RBFOX1: variants seen among roughly 807,000 people sequenced by gnomAD.
The protein encoded by RBFOX1 is RNA binding fox-1 homolog 1.
In RBFOX1, 8 loss-of-function variants were observed where a neutral mutation model predicts 57.7. That is an observed-to-expected ratio of 0.14 (90% CI 0.08 to 0.25). The LOEUF is 0.25. RBFOX1 is among the 10% of genes least tolerant of loss of function. RBFOX1 has a pLI of 1.00. For missense variants in RBFOX1, 611 were observed against 548.5 expected (o/e 1.11, Z -1.14); for synonymous variants, 326 against 222.4 (o/e 1.47, Z -4.15).
intron 3 of RBFOX1, among the ~76,000 whole-genome samples, chr16:6,707,732 T>A (rs771239771): frequency 2.0e-5 from 3 of 152,178 alleles, no homozygotes; most frequent in African/African-American, 7.2e-5. Context: ...AGCACATTTT[T>A]AATTCCAGAT....
intron 4 of RBFOX1, among the ~76,000 whole-genome samples, chr16:5,991,763 C>G (rs922220033): frequency 1.3e-5 from 2 of 151,480 alleles, no homozygotes; most frequent in Admixed American, 1.3e-4. Flanking sequence ...CCCAGCCCTG[C>G]CAATAATCAA....
intron 4 of RBFOX1, among the ~76,000 whole-genome samples, chr16:7,258,373 T>G (rs1475178937): frequency 6.6e-6 from 1 of 152,202 alleles, no homozygotes; most frequent in African/African-American, 2.4e-5. Context: ...ATATTTGAGA[T>G]TCATGTCTAA....
intron 3 of RBFOX1, among the ~76,000 whole-genome samples, chr16:6,838,839 C>A (rs1160961265): frequency 6.6e-6 from 1 of 152,080 alleles, no homozygotes; most frequent in African/African-American, 2.4e-5. Flanking sequence ...AGGTGCTTCC[C>A]CGTCATACTC....
At chr16:5,463,406 C>A (rs1029542565) in intron 1 of RBFOX1, among the ~76,000 whole-genome samples, 1 of 151,876 alleles carries the variant, frequency 6.6e-6, no homozygotes, top group Non-Finnish European at 1.5e-5. Context: ...TTGAGCTTAG[C>A]AATACTAGAT....
intron 4 of RBFOX1, among the ~76,000 whole-genome samples, chr16:7,470,045 G>T (rs1359985092): frequency 6.8e-5 from 10 of 147,136 alleles, no homozygotes; most frequent in African/African-American, 2.0e-4. Flanking sequence ...TTTTAACATT[G>T]CATAATATTC....
intron 1 of RBFOX1, among the ~76,000 whole-genome samples, chr16:6,058,857 C>T (rs2095649321): frequency 6.6e-6 from 1 of 152,168 alleles, no homozygotes; most frequent in East Asian, 1.9e-4. Flanking sequence ...TCCATCCATC[C>T]ATCCATCCAT....
At chr16:5,906,809 A>G (rs1392595707) in intron 4 of RBFOX1, among the ~76,000 whole-genome samples, 1 of 128,504 alleles carries the variant, frequency 7.8e-6, no homozygotes, top group Admixed American at 1.0e-4. Context: ...TTCTTGGCTC[A>G]CTGCAACCTC....
intron 4 of RBFOX1, among the ~76,000 whole-genome samples, chr16:7,411,566 G>C (rs1269663119): frequency 3.3e-5 from 5 of 152,158 alleles, no homozygotes; most frequent in African/African-American, 1.2e-4. Context: ...ACTTCCAGTT[G>C]AGGGACATCG....
chr16:6,708,138 TG>T (rs2063093050), intron 3 of RBFOX1, among the ~76,000 whole-genome samples: 1 of 152,114 alleles, frequency 6.6e-6, no homozygotes, highest in Non-Finnish European at 1.5e-5. Flanking sequence ...ACACCTGGCT[TG>T]GGGAGCGGGG....
intron 4 of RBFOX1, among the ~76,000 whole-genome samples, chr16:7,251,923 A>G (rs563114152): frequency 9.8e-4 from 149 of 152,188 alleles, no homozygotes; most frequent in African/African-American, 3.4e-3. Context: ...CATTTTTTTC[A>G]TAATGGCTGT....
intron 3 of RBFOX1, among the ~76,000 whole-genome samples, chr16:5,756,915 G>A (rs1389729933): frequency 6.6e-6 from 1 of 152,170 alleles, no homozygotes; most frequent in African/African-American, 2.4e-5. Context: ...GGTTCTACAA[G>A]ATGATGTAAA....
At chr16:6,088,724 G>T (rs1462233391) in intron 1 of RBFOX1, among the ~76,000 whole-genome samples, 1 of 152,156 alleles carries the variant, frequency 6.6e-6, no homozygotes, top group Non-Finnish European at 1.5e-5. Context: ...GCAATGACTT[G>T]CAGACTGTAG....
Position 5,867,329 on chromosome 16 carries a change from AG to A in RBFOX1, c.346del (p.Ala116LeufsTer35). ...TTTCGGCAAGTCAGGCTACAGGCAAAGCTGAGGTAGGAAACGTGGTTTTTCT... is the reference window on the plus strand; with the variant it reads ...TTTCGGCAAGTCAGGCTACAGGCAAACTGAGGTAGGAAACGTGGTTTTTCT... On this transcript the variant is annotated frameshift_variant, in exon 4 of 20. Coordinates refer to the RBFOX1 transcript ENST00000641259. LOFTEE classifies it high-confidence loss of function. The A allele has an allele frequency of 8.3e-7, 1 of 1,207,904 alleles. No homozygotes were observed. Among genetic ancestry groups the A allele is most frequent in the Non-Finnish European group, 1.0e-6 (1 of 966,220 alleles). The allele number at this position is 1,207,904 out of a possible 1,614,324, so 74.8% of individuals were successfully genotyped here.
chr16:5,497,649 G>C (rs2043048900), intron 2 of RBFOX1, among the ~76,000 whole-genome samples: 1 of 140,874 alleles, frequency 7.1e-6, no homozygotes, highest in Non-Finnish European at 1.5e-5. Context: ...GCTGGGCATG[G>C]TGGCACACAC....
rs553923867 is a variant in RBFOX1, at chr16:7,296,830, A to G, written c.28-221317A>G. On this transcript the variant is annotated intron_variant, in intron 4 of 15. Transcript: ENST00000550418. ...CTAGGAGCTAGTTTGCAGCAGTTCT[A>G]TTCCTCTACTTGGAGGAATACAGGA... is the stretch of plus-strand genomic sequence containing the variant. 2.0e-4 allele frequency among the ~76,000 whole-genome samples: 30 copies of G among 152,232 alleles called. No homozygotes were observed. The South Asian group carries it at 5.4e-3, about 27-fold the overall frequency.
At chr16:6,998,903 C>G (rs1415394108) in intron 3 of RBFOX1, among the ~76,000 whole-genome samples, 7 of 151,798 alleles carry the variant, frequency 4.6e-5, no homozygotes, top group Non-Finnish European at 2.9e-5. Context: ...GAGTTTCACT[C>G]TATCACCCAG....
intron 9 of RBFOX1, among the ~76,000 whole-genome samples, chr16:7,601,306 T>C (rs531982902): frequency 6.6e-6 from 1 of 152,302 alleles, no homozygotes; most frequent in Admixed American, 6.5e-5. Context: ...CAGTTCTTTG[T>C]GATAATTATG....
intron 1 of RBFOX1, among the ~76,000 whole-genome samples, chr16:5,437,971 G>C (rs909372763): frequency 6.6e-6 from 1 of 152,186 alleles, no homozygotes; most frequent in Non-Finnish European, 1.5e-5. Flanking sequence ...AAAAAGAAAG[G>C]ATCTGACCAT....
chr16:7,238,706 A>G (rs534978715), intron 4 of RBFOX1, among the ~76,000 whole-genome samples: 3 of 152,116 alleles, frequency 2.0e-5, no homozygotes, highest in Non-Finnish European at 2.9e-5. Flanking sequence ...CTTGTGTGTC[A>G]TGGGGGTTTG....
Sources: gnomAD v4.1 joint callset for allele counts (sites outside exome capture counted in the v4.1 genomes callset) on GRCh38, gnomAD v4.1.1 for gene constraint, MANE v1.5 for transcripts, NCBI Gene and HGNC (gene_info 2026-07-23, HGNC 2026-07-21) for gene names.